DSCAM: variants seen among roughly 807,000 people sequenced by gnomAD.
DSCAM encodes DS cell adhesion molecule.
In DSCAM, 47 loss-of-function variants were observed where a neutral mutation model predicts 217.7. The ratio of observed to expected loss-of-function variants is 0.22; its 90% confidence interval spans 0.17 to 0.28. The LOEUF (loss-of-function observed/expected upper bound fraction) is 0.28, where lower values mean the gene tolerates loss of function less well. Among genes scored for constraint, DSCAM ranks in the 10% least tolerant of loss-of-function variants. DSCAM has a pLI of 1.00. For missense variants in DSCAM, 2,080 were observed against 2,618.3 expected (o/e 0.79, Z 4.49); for synonymous variants, 1,056 against 1,015.3 (o/e 1.04, Z -0.76).
chr21:40,467,405 C>T (rs894391515), intron 3 of DSCAM, among the ~76,000 whole-genome samples: 1 of 152,168 alleles, frequency 6.6e-6, no homozygotes, highest in East Asian at 1.9e-4. Flanking sequence ...ACTTACTTGT[C>T]TATATCTGCA....
chr21:40,330,275 ATATT>A (rs907680246), intron 8 of DSCAM, among the ~76,000 whole-genome samples: 31 of 147,634 alleles, frequency 2.1e-4, no homozygotes, highest in African/African-American at 4.7e-4. Context: ...ATATCAAAAT[ATATT>A]TATTATATTA....
intron 3 of DSCAM, among the ~76,000 whole-genome samples, chr21:40,526,834 C>T (rs2076404560): frequency 6.6e-6 from 1 of 151,746 alleles, no homozygotes; most frequent in South Asian, 2.1e-4. Flanking sequence ...AAAAACAGAG[C>T]TCTGGATTTG....
At chr21:40,457,227 G>C (rs559588159) in intron 3 of DSCAM, among the ~76,000 whole-genome samples, 1 of 152,164 alleles carries the variant, frequency 6.6e-6, no homozygotes, top group Non-Finnish European at 1.5e-5. Context: ...AAAGAAGAAG[G>C]CTGGCTGCGC....
chr21:40,806,115 T>C (rs1215841077), intron 1 of DSCAM, among the ~76,000 whole-genome samples: 1 of 152,210 alleles, frequency 6.6e-6, no homozygotes, highest in Non-Finnish European at 1.5e-5. Flanking sequence ...TCTCAGATCC[T>C]TCAGCACATC....
chr21:40,441,358 C>T (rs10439672), intron 3 of DSCAM, among the ~76,000 whole-genome samples: 104,086 of 152,056 alleles, frequency 0.68, 36,081 homozygotes, highest in Middle Eastern at 0.81. Flanking sequence ...AAGCATAGAG[C>T]GTTGACCATG....
chr21:40,226,444 G>A (rs987436186), intron 11 of DSCAM, among the ~76,000 whole-genome samples: 2 of 152,090 alleles, frequency 1.3e-5, no homozygotes, highest in African/African-American at 4.8e-5. Context: ...CTATTTTAAT[G>A]TCGGGAGAGA....
chr21:40,720,950 G>T (rs186400614), intron 1 of DSCAM, among the ~76,000 whole-genome samples: 1 of 152,328 alleles, frequency 6.6e-6, no homozygotes, highest in East Asian at 1.9e-4. Flanking sequence ...TTGCATGCGT[G>T]TAAGAAAACT....
At chr21:40,750,192 T>C (rs1352338081) in intron 1 of DSCAM, among the ~76,000 whole-genome samples, 1 of 152,090 alleles carries the variant, frequency 6.6e-6, no homozygotes, top group Non-Finnish European at 1.5e-5. Context: ...CCTCCCAATG[T>C]GCTGGGATTA....
intron 11 of DSCAM, among the ~76,000 whole-genome samples, chr21:40,272,894 A>T (rs535587458): frequency 6.6e-5 from 10 of 152,248 alleles, no homozygotes; most frequent in African/African-American, 2.2e-4. Flanking sequence ...AGATCCTAAA[A>T]CACTTTACTG....
At chr21:40,586,184 T>C (rs1439920377) in intron 3 of DSCAM, among the ~76,000 whole-genome samples, 1 of 152,192 alleles carries the variant, frequency 6.6e-6, no homozygotes, top group African/African-American at 2.4e-5. Context: ...GTTCTTGCCA[T>C]GGGATCTCTG....
At chr21:40,722,041 A>C (rs766622729) in intron 1 of DSCAM, among the ~76,000 whole-genome samples, 1 of 152,092 alleles carries the variant, frequency 6.6e-6, no homozygotes, top group Non-Finnish European at 1.5e-5. Flanking sequence ...TTTAAAAAAA[A>C]GACAGGAAAG....
chr21:40,480,937 T>G (rs1156440036), intron 3 of DSCAM, among the ~76,000 whole-genome samples: 2 of 152,154 alleles, frequency 1.3e-5, no homozygotes, highest in African/African-American at 4.8e-5. Context: ...AATTAACAAT[T>G]TATTCTCATC....
At chr21:40,382,573 G>A (rs1017337053) in intron 3 of DSCAM, among the ~76,000 whole-genome samples, 4 of 152,176 alleles carry the variant, frequency 2.6e-5, no homozygotes, top group African/African-American at 9.7e-5. Context: ...AAACTATAAT[G>A]AGTTTACTGA....
intron 11 of DSCAM, among the ~76,000 whole-genome samples, chr21:40,247,291 C>A (rs574947850): frequency 6.6e-6 from 1 of 152,112 alleles, no homozygotes; most frequent in Non-Finnish European, 1.5e-5. Flanking sequence ...TCCCAACAGT[C>A]CCCCAAAGTC....
chr21:40,325,250 A>G (rs954080496), intron 8 of DSCAM, among the ~76,000 whole-genome samples: 1 of 152,196 alleles, frequency 6.6e-6, no homozygotes, highest in East Asian at 1.9e-4. Flanking sequence ...TGACAGCACC[A>G]TCATGGTATC....
intron 3 of DSCAM, among the ~76,000 whole-genome samples, chr21:40,486,016 T>A (rs1413208281): frequency 6.6e-6 from 1 of 152,212 alleles, no homozygotes; most frequent in East Asian, 1.9e-4. Flanking sequence ...CTTACAAAAC[T>A]ACGTACTATA....
chr21:40,020,335 T>G (rs1164764204), intron 32 of DSCAM, among the ~76,000 whole-genome samples: 1 of 152,192 alleles, frequency 6.6e-6, no homozygotes, highest in African/African-American at 2.4e-5. Flanking sequence ...TCAGGCAACA[T>G]GAAAACTAAC....
At chr21:40,827,157 C>T (rs568426310) in intron 1 of DSCAM, among the ~76,000 whole-genome samples, 2 of 151,978 alleles carry the variant, frequency 1.3e-5, no homozygotes, top group African/African-American at 4.8e-5. Flanking sequence ...GAGGTGTGCA[C>T]GGTCCAGGTG....
At chr21:40,624,667 A>C (rs2089574526) in intron 3 of DSCAM, among the ~76,000 whole-genome samples, 1 of 152,202 alleles carries the variant, frequency 6.6e-6, no homozygotes, top group Non-Finnish European at 1.5e-5. Context: ...TAAATAACCT[A>C]CCAGAAGGGC....
Sources: allele counts gnomAD v4.1 joint callset (sites outside exome capture counted in the v4.1 genomes callset), GRCh38; gene constraint gnomAD v4.1.1; transcripts MANE v1.5; gene names NCBI Gene and HGNC (gene_info 2026-07-23, HGNC 2026-07-21).